Variants in UBA6 observed in about 807,000 individuals in gnomAD.
UBA6 encodes the protein ubiquitin like modifier activating enzyme 6.
A neutral mutation model predicts 148.3 loss-of-function variants in UBA6; 87 were observed. That is an observed-to-expected ratio of 0.59 (90% CI 0.49 to 0.70). The LOEUF (loss-of-function observed/expected upper bound fraction) is 0.70. Among genes scored for constraint, UBA6 ranks in the 30% least tolerant of loss-of-function variants. UBA6 has a pLI of 0.00. For missense variants in UBA6, 1,186 were observed against 1,241.2 expected, an observed-to-expected ratio of 0.96 and a Z score of 0.67; for synonymous variants, 376 against 401.0, an observed-to-expected ratio of 0.94 and a Z score of 0.75.
rs79891207 is a variant in UBA6 at position 67,640,126 on chromosome 4, T to C, written c.1555-1002A>G. On this transcript the variant is annotated intron_variant, in intron 18 of 32. Transcript: ENST00000322244. ...AAATTCACACATCTAGTTTTAACGGTATTTCTGTCTCTTCTCACATTCTTA... is the reference window on the plus strand; with the variant it reads ...AAATTCACACATCTAGTTTTAACGGCATTTCTGTCTCTTCTCACATTCTTA... Among the ~76,000 whole-genome samples the C allele has an allele frequency of 9.4e-3, 1,435 of 152,332 alleles. 18 individuals are homozygous for C. Among genetic ancestry groups the C allele is most frequent in the African/African-American group, 0.033 (1,357 of 41,574 alleles).
chr4:67,649,445 G>T (rs1729500329), intron 13 of UBA6, among the ~76,000 whole-genome samples: 1 of 152,014 alleles, frequency 6.6e-6, no homozygotes, highest in Non-Finnish European at 1.5e-5. Flanking sequence ...GATTCTATAT[G>T]TCACTCTAGG....
intron 26 of UBA6, 63 bp from the exon 27 acceptor site, chr4:67,629,205 T>C: frequency 1.8e-6 from 2 of 1,100,304 alleles, no homozygotes; most frequent in Non-Finnish European, 2.8e-6. Context: ...GCTAAAAATA[T>C]CCTACAAAAG....
intron 13 of UBA6, among the ~76,000 whole-genome samples, chr4:67,660,621 G>A (rs977331431): frequency 3.9e-5 from 6 of 152,266 alleles, no homozygotes; most frequent in African/African-American, 1.4e-4. Flanking sequence ...GCAGGGGTGG[G>A]GCCCTCATGG....
At chr4:67,637,318 GGGCCAGCCCCCACCT>G (rs1302786447) in intron 19 of UBA6, among the ~76,000 whole-genome samples, 2 of 149,906 alleles carry the variant, frequency 1.3e-5, no homozygotes, top group East Asian at 2.0e-4. Flanking sequence ...AGGGAGGTGG[GGGCCAGCCCCCACCT>G]GGCCAGCTGC....
rs4860262 is a variant in UBA6 at position 67,614,807 on chromosome 4, C to A, written c.*4190G>T. 2.6e-5 allele frequency: 4 copies of A among 151,892 alleles called. No homozygotes were observed. The highest frequency in any genetic ancestry group is 4.4e-5 in the Non-Finnish European group (3 of 67,984). 9.4% of individuals were successfully genotyped at this position (151,892 alleles called of 1,614,324 possible). A position where few individuals can be genotyped will look rare whatever the true frequency, so the allele number is the denominator to read the frequency against. The stretch of plus-strand genomic sequence containing the variant: ...TTGGGAGAAGATATTGGCAACTATA[C>A]AGCCAACAAAGAATAAGATTTATAA... On this transcript the variant is annotated 3_prime_UTR_variant, in exon 33 of 33. Transcript: ENST00000322244.
rs973038860 is a variant in UBA6 at position 67,633,537 on chromosome 4, C to T, written c.2014-64G>A. 27 of 1,423,630 alleles carry T rather than the reference C, an allele frequency of 1.9e-5. No homozygotes were observed. In the African/African-American group the frequency reaches 3.8e-4, roughly 20 times the overall value. 88.2% of individuals were successfully genotyped at this position (1,423,630 alleles called of 1,614,324 possible). A position where few individuals can be genotyped will look rare whatever the true frequency, so the allele number is the denominator to read the frequency against. ...ATTACAAACATATACACATCCCTCACCAAAAGTTAGCCTAAGTTTGAAGTG... is the reference window on the plus strand; with the variant it reads ...ATTACAAACATATACACATCCCTCATCAAAAGTTAGCCTAAGTTTGAAGTG... On this transcript the variant is annotated intron_variant, in intron 22 of 32. Coordinates refer to ENST00000322244, the MANE Select transcript of UBA6 (RefSeq NM_018227.6).
At chr4:67,668,318 T>A (rs1314753084) in intron 9 of UBA6, among the ~76,000 whole-genome samples, 1 of 152,174 alleles carries the variant, frequency 6.6e-6, no homozygotes, top group Non-Finnish European at 1.5e-5. Context: ...CCTGTCCCAC[T>A]GCTGCTGTCC....
At chr4:67,699,462 A>T (rs1342923183) in intron 1 of UBA6, among the ~76,000 whole-genome samples, 2 of 152,174 alleles carry the variant, frequency 1.3e-5, no homozygotes, top group East Asian at 1.9e-4. Context: ...GATAGCTATT[A>T]AAAAAACTGA....
At chr4:67,644,982 T>C (rs1729389568) in intron 16 of UBA6, among the ~76,000 whole-genome samples, 1 of 152,128 alleles carries the variant, frequency 6.6e-6, no homozygotes, top group South Asian at 2.1e-4. Context: ...TTGAACTGCT[T>C]ATGTAAGATA....
intron 14 of UBA6, among the ~76,000 whole-genome samples, chr4:67,648,438 A>G (rs1484877290): frequency 2.0e-5 from 3 of 150,022 alleles, no homozygotes; most frequent in Non-Finnish European, 4.4e-5. Context: ...ATTGCACTCC[A>G]GCCTGGGTAA....
rs1432688001 is a variant in UBA6, at chr4:67,617,442, T to G, written c.*1555A>C. Reference sequence around the variant, plus strand: ...ATATGTGAACAAAATTTAATTTCTTTTTTCCAAAGGTAGTCATTTTCTTTA... The same window carrying G: ...ATATGTGAACAAAATTTAATTTCTTGTTTCCAAAGGTAGTCATTTTCTTTA... On this transcript the variant is annotated 3_prime_UTR_variant, in exon 33 of 33. Coordinates refer to ENST00000322244, the MANE Select transcript of UBA6 (RefSeq NM_018227.6). The G allele has an allele frequency of 6.6e-6, 1 of 152,102 alleles. No individual in the cohort carries two copies. Among genetic ancestry groups the G allele is most frequent in the African/African-American group, 2.4e-5 (1 of 41,444 alleles). 9.4% of individuals were successfully genotyped at this position (152,102 alleles called of 1,614,324 possible).
intron 1 of UBA6, among the ~76,000 whole-genome samples, chr4:67,699,429 A>G (rs940785589): frequency 6.6e-6 from 1 of 152,228 alleles, no homozygotes; most frequent in Non-Finnish European, 1.5e-5. Flanking sequence ...ATCAAATGAT[A>G]CCAGCTTCTA....
intron 13 of UBA6, 23 bp downstream of exon 13, chr4:67,662,166 C>G (rs1311434534): frequency 6.2e-7 from 1 of 1,606,918 alleles, no homozygotes; most frequent in Non-Finnish European, 8.5e-7. Context: ...AATATTCGGA[C>G]AGCCATAAAT....
intron 15 of UBA6, among the ~76,000 whole-genome samples, chr4:67,646,221 G>T (rs1344922437): frequency 6.6e-6 from 1 of 152,048 alleles, no homozygotes; most frequent in Non-Finnish European, 1.5e-5. Flanking sequence ...AAATACAAAT[G>T]ACTTAAGTGA....
Position 67,616,159 on chromosome 4 carries a change from AT to A in UBA6, c.*2837del, listed in dbSNP as rs572171511. ...TCTGATCCTCAAGAGCTCAACTCTG[AT>A]TTTTTTTTTTTCAGAGAAAGCATTC... On this transcript the variant is annotated 3_prime_UTR_variant, in exon 33 of 33. Coordinates refer to ENST00000322244, the MANE Select transcript of UBA6 (RefSeq NM_018227.6). The A allele has an allele frequency of 0.028, 7,901 of 277,962 alleles. 19 individuals are homozygous for A. Among genetic ancestry groups the A allele is most frequent in the African/African-American group, 0.038 (1,727 of 44,882 alleles). 17.2% of individuals were successfully genotyped at this position (277,962 alleles called of 1,614,324 possible).
Position 67,649,100 on chromosome 4 carries a change from C to T in UBA6, c.1216G>A (p.Val406Ile), listed in dbSNP as rs1172055804. ...GVASQEVLKA[V>I]TGKFSPLCQW... ...CACAAAGGAGAAAATTTTCCTGTTACAGCTTTCAATACTTCTTGGCTGGCA... is the reference window on the plus strand; with the variant it reads ...CACAAAGGAGAAAATTTTCCTGTTATAGCTTTCAATACTTCTTGGCTGGCA... Residue 406 changes from valine to isoleucine, a missense_variant, in exon 14 of 33, where the codon GTA (valine) becomes ATA (isoleucine). Physicochemically the swap from Val to Ile is conservative, Grantham distance 29 (BLOSUM62 3). Transcript: ENST00000322244. 6 of 1,613,798 alleles carry T rather than the reference C, an allele frequency of 3.7e-6. No individual in the cohort carries two copies. Among genetic ancestry groups the T allele is most frequent in the Non-Finnish European group, 5.1e-6 (6 of 1,179,882 alleles).
intron 19 of UBA6, among the ~76,000 whole-genome samples, chr4:67,635,965 T>G (rs1328611544): frequency 6.6e-6 from 1 of 152,170 alleles, no homozygotes; most frequent in East Asian, 1.9e-4. Context: ...AATTTTTATT[T>G]TTTAAAGTTT....
chr4:67,635,742 C>T (rs1729123925), intron 19 of UBA6, among the ~76,000 whole-genome samples, 184 bp from the exon 20 acceptor site: 1 of 92,132 alleles, frequency 1.1e-5, no homozygotes, highest in Non-Finnish European at 2.6e-5. Context: ...CTGCAATATA[C>T]ATATACATCT....
chr4:67,675,539 T>G (rs572445593), intron 6 of UBA6, among the ~76,000 whole-genome samples: 142 of 152,300 alleles, frequency 9.3e-4, no homozygotes, highest in African/African-American at 3.4e-3. Flanking sequence ...GAGACCAGCC[T>G]GGCCAACATG....
Sources: allele counts gnomAD v4.1 joint callset (sites outside exome capture counted in the v4.1 genomes callset), GRCh38; gene constraint gnomAD v4.1.1; transcripts MANE v1.5; gene names NCBI Gene and HGNC (gene_info 2026-07-23, HGNC 2026-07-21).